The following FAM120A variants were observed in gnomAD, a reference collection of about 807,000 sequenced individuals.
The protein encoded by FAM120A is family with sequence similarity 120 member A.
In FAM120A, 15 loss-of-function variants were observed where a neutral mutation model predicts 109.7. The ratio of observed to expected loss-of-function variants is 0.14; its 90% CI spans 0.09 to 0.21. FAM120A has a LOEUF of 0.21. Among genes scored for constraint, FAM120A ranks in the 10% least tolerant of loss-of-function variants. The pLI is 1.00. For missense variants in FAM120A, 899 were observed against 1,439.3 expected (o/e 0.62, Z 6.07); for synonymous variants, 493 against 572.8 (o/e 0.86, Z 1.99).
intron 3 of FAM120A, among the ~76,000 whole-genome samples, chr9:93,488,211 T>A (rs559706104): frequency 7.5e-4 from 114 of 152,292 alleles, no homozygotes; most frequent in African/African-American, 2.6e-3. Context: ...ATCTGCCCCA[T>A]GTTCTTCTGA....
At chr9:93,552,343 TCATCTAAAG>T (rs1477698092) in intron 12 of FAM120A, among the ~76,000 whole-genome samples, 2 of 152,240 alleles carry the variant, frequency 1.3e-5, no homozygotes, top group Non-Finnish European at 2.9e-5. Flanking sequence ...TCCTGGTTCT[TCATCTAAAG>T]CCAGACATTT....
chr9:93,503,829 A>C (rs368612579), intron 5 of FAM120A, among the ~76,000 whole-genome samples: 40 of 128,702 alleles, frequency 3.1e-4, no homozygotes, highest in African/African-American at 1.2e-3. Flanking sequence ...GAAACTGCTC[A>C]AAAAAAAAAG....
At chr9:93,459,731 C>T (rs1358607706) in intron 1 of FAM120A, among the ~76,000 whole-genome samples, 3 of 140,224 alleles carry the variant, frequency 2.1e-5, no homozygotes, top group Non-Finnish European at 4.5e-5. Context: ...TGCCTGGAGG[C>T]ATTTTTGGTT....
chr9:93,527,486 A>G (rs376126436), intron 8 of FAM120A, among the ~76,000 whole-genome samples: 1 of 152,088 alleles, frequency 6.6e-6, no homozygotes, highest in Non-Finnish European at 1.5e-5. Context: ...CAAGGTGCTT[A>G]GGACCTTCCT....
Position 93,504,486 on chromosome 9 carries a change from G to C in FAM120A, c.1030+5600G>C, listed in dbSNP as rs1172114758. On this transcript the variant is annotated intron_variant, in intron 5 of 17. Transcript: ENST00000277165. ...CTCAATTTTGTATTAGTTATTCTGT[G>C]CTTCTCTATATAATTTTATCGTGTC... is the stretch of plus-strand genomic sequence containing the variant. Among the ~76,000 whole-genome samples, 4 of 152,024 alleles carry C rather than the reference G, an allele frequency of 2.6e-5. No individual in the cohort carries two copies. In the East Asian group the frequency reaches 7.7e-4, roughly 29 times the overall value.
chr9:93,492,077 C>G lies in FAM120A; in HGVS notation c.805-5394C>G, dbSNP rs188072366. 1.8e-3 allele frequency among the ~76,000 whole-genome samples: 274 copies of G among 152,054 alleles called. 1 individual carries two copies. The highest frequency in any genetic ancestry group is 3.4e-3 in the Middle Eastern group (1 of 294). ...AAGTTTAGCAACACTGCTGATGATG[C>G]CTTTCATGGACAAACAAGTCTTGAT... On this transcript the variant is annotated intron_variant, in intron 3 of 17. Transcript: ENST00000277165.
At position 93,556,235 on chromosome 9, in the gene FAM120A, G is replaced by A. The variant is rs142928570; in HGVS notation, c.2275-147G>A. ...TCTGTTCAAATGAGGCCAGTGTTAGGTCAATATAAGGTAATGGTAGGACTA... is the reference window on the plus strand; with the variant it reads ...TCTGTTCAAATGAGGCCAGTGTTAGATCAATATAAGGTAATGGTAGGACTA... On this transcript the variant is annotated intron_variant, in intron 12 of 17. Transcript: ENST00000277165. The A allele has an allele frequency of 2.3e-3, 1,421 of 624,878 alleles. 12 individuals are homozygous for A. The highest frequency in any genetic ancestry group is 0.022 in the African/African-American group (1,178 of 54,632). 38.7% of individuals were successfully genotyped at this position (624,878 alleles called of 1,614,324 possible). A position where few individuals can be genotyped will look rare whatever the true frequency, so the allele number is the denominator to read the frequency against.
At chr9:93,512,698 A>T (rs1860385453) in intron 5 of FAM120A, among the ~76,000 whole-genome samples, 1 of 152,222 alleles carries the variant, frequency 6.6e-6, no homozygotes. Flanking sequence ...GCACTTGGGC[A>T]TGGAGAACAA....
Position 93,550,675 on chromosome 9 carries a change from A to G in FAM120A, c.2258A>G (p.Gln753Arg), listed in dbSNP as rs1270779395. 2 of 1,613,658 alleles carry G rather than the reference A, an allele frequency of 1.2e-6. No homozygotes were observed. Among genetic ancestry groups the G allele is most frequent in the Non-Finnish European group, 1.7e-6 (2 of 1,179,844 alleles). Residue 753 changes from glutamine (Q) to arginine (R), a missense_variant, in exon 12 of 18, where the codon CAG (glutamine) becomes CGG (arginine). By Grantham distance (43) the Gln-to-Arg change is conservative. Transcript: ENST00000277165. ...TCCCCCAAACTCTACGAGCCTGATC[A>G]GCTCCAGGAGCTCAAGGTAATTTAT... ...ALSPKLYEPD[Q>R]LQELKIENLD...
At chr9:93,511,479 G>A (rs903732765) in intron 5 of FAM120A, among the ~76,000 whole-genome samples, 3 of 152,202 alleles carry the variant, frequency 2.0e-5, no homozygotes, top group African/African-American at 4.8e-5. Context: ...CTATAGGATG[G>A]CCAGACGCCG....
chr9:93,523,017 G>T (rs973401386), intron 7 of FAM120A, among the ~76,000 whole-genome samples: 6 of 152,192 alleles, frequency 3.9e-5, no homozygotes, highest in Admixed American at 6.5e-5. Flanking sequence ...GAACCTCAGA[G>T]CATTCAAATG....
chr9:93,468,019 T>C (rs559451807), intron 1 of FAM120A, among the ~76,000 whole-genome samples: 22 of 152,004 alleles, frequency 1.4e-4, no homozygotes, highest in African/African-American at 5.3e-4. Context: ...GTAGCTGGGA[T>C]TATAGGCGCC....
intron 12 of FAM120A, among the ~76,000 whole-genome samples, chr9:93,556,137 C>A (rs1198654789): frequency 2.0e-5 from 3 of 152,204 alleles, no homozygotes; most frequent in African/African-American, 7.2e-5. Flanking sequence ...GCTTTATAAA[C>A]CCAACCTGAA....
chr9:93,481,252 A>G (rs1588815286), intron 3 of FAM120A, among the ~76,000 whole-genome samples: 1 of 152,356 alleles, frequency 6.6e-6, no homozygotes, highest in East Asian at 1.9e-4. Flanking sequence ...TGGGGTTTTA[A>G]AAATTGTATG....
At chr9:93,540,052 A>G (rs769877093) in intron 10 of FAM120A, among the ~76,000 whole-genome samples, 1 of 152,206 alleles carries the variant, frequency 6.6e-6, no homozygotes, top group Non-Finnish European at 1.5e-5. Flanking sequence ...GGTGCTTTTC[A>G]TGTTTAATCA....
intron 1 of FAM120A, among the ~76,000 whole-genome samples, chr9:93,469,805 T>C (rs530585156): frequency 5.3e-5 from 8 of 152,344 alleles, no homozygotes; most frequent in African/African-American, 1.9e-4. Flanking sequence ...ATTTCTTCTT[T>C]TACGTATGCA....
chr9:93,546,522 C>T (rs946401753), intron 11 of FAM120A, among the ~76,000 whole-genome samples: 4 of 152,222 alleles, frequency 2.6e-5, no homozygotes, highest in Non-Finnish European at 4.4e-5. Context: ...TGCCTCGTGG[C>T]CTGCTGTGTG....
intron 10 of FAM120A, among the ~76,000 whole-genome samples, chr9:93,540,292 C>CT (rs1335227120): frequency 2.0e-5 from 3 of 152,208 alleles, no homozygotes; most frequent in African/African-American, 7.2e-5. Context: ...CAAAAGATCT[C>CT]TAACTATTAG....
chr9:93,452,830 A>G lies in FAM120A; in HGVS notation c.474+441A>G. 6.5e-7 allele frequency: 1 copy of G among 1,543,574 alleles called. No homozygotes were observed. ...TTGGAAGCAGGCAGGATACAGAGTA[A>G]TAGAGGGGGTTTCGCCAGAGCCCTT... is the stretch of plus-strand genomic sequence containing the variant. On this transcript the variant is annotated intron_variant, in intron 1 of 17. Transcript: ENST00000277165. This position sits in a 1 kb window ranked among gnomAD's most constrained non-coding sequence, Gnocchi z 7.0.
Sources: allele counts gnomAD v4.1 joint callset (sites outside exome capture counted in the v4.1 genomes callset), GRCh38; gene constraint gnomAD v4.1.1; non-coding constraint Gnocchi (gnomAD v3.1); transcripts MANE v1.5; gene names NCBI Gene and HGNC (gene_info 2026-07-23, HGNC 2026-07-21).